FRMPD4: variants seen among roughly 807,000 people sequenced by gnomAD.
FRMPD4 encodes the protein FERM and PDZ domain containing 4.
In FRMPD4, 22 loss-of-function variants were observed where a neutral mutation model predicts 94.1. The observed-to-expected ratio is 0.23, with a 90% CI of 0.17 to 0.33. The LOEUF (loss-of-function observed/expected upper bound fraction) is 0.33. Ranked by LOEUF, FRMPD4 falls within the 10% of genes least tolerant of loss-of-function variation. The pLI, the probability that FRMPD4 is intolerant of heterozygous loss-of-function variation, is 1.00. For synonymous variants in FRMPD4, 631 were observed against 548.6 expected (o/e 1.15, Z -2.10); for missense variants, 1,111 against 1,339.9 (o/e 0.83, Z 2.67).
chrX:12,030,001 A>G (rs1039337516), intron 3 of FRMPD4, among the ~76,000 whole-genome samples: 1 of 111,791 alleles, frequency 8.9e-6, no homozygotes, highest in African/African-American at 3.3e-5. Context: ...CACATTTATC[A>G]TCTGTCAAAT....
chrX:12,428,211 CCA>C (rs2056973519), intron 1 of FRMPD4, among the ~76,000 whole-genome samples: 1 of 111,307 alleles, frequency 9.0e-6, no homozygotes. Flanking sequence ...TAAAAAAAAT[CCA>C]CAGTGTTTTA....
intron 3 of FRMPD4, among the ~76,000 whole-genome samples, chrX:12,097,807 T>A (rs2055219707): frequency 8.9e-6 from 1 of 112,697 alleles, no homozygotes; most frequent in Non-Finnish European, 1.9e-5. Flanking sequence ...TACAACTTTT[T>A]AAATCTATTC....
intron 4 of FRMPD4, among the ~76,000 whole-genome samples, chrX:12,661,468 G>A (rs377339608): frequency 5.4e-5 from 6 of 111,739 alleles, no homozygotes; most frequent in African/African-American, 2.0e-4. Context: ...TACTGGGCAA[G>A]TGGACTCTTT....
intron 1 of FRMPD4, among the ~76,000 whole-genome samples, chrX:12,349,199 T>TG (rs962468246): frequency 9.0e-6 from 1 of 111,217 alleles, no homozygotes; most frequent in African/African-American, 3.3e-5. Context: ...AGGGGAGCAG[T>TG]GGGTGGCAGT....
At chrX:12,050,904 A>G (rs995753588) in intron 3 of FRMPD4, among the ~76,000 whole-genome samples, 1 of 111,767 alleles carries the variant, frequency 8.9e-6, no homozygotes, top group African/African-American at 3.2e-5. Flanking sequence ...ACCAAATATT[A>G]CAAACGACCT....
At chrX:12,249,656 C>T (rs929713774) in intron 1 of FRMPD4, among the ~76,000 whole-genome samples, 3 of 111,408 alleles carry the variant, frequency 2.7e-5, no homozygotes, top group Non-Finnish European at 5.6e-5. Flanking sequence ...CTAAGAAAAG[C>T]GGGATGCCTT....
chrX:12,063,929 T>C (rs2054902370), intron 3 of FRMPD4, among the ~76,000 whole-genome samples: 1 of 112,823 alleles, frequency 8.9e-6, no homozygotes. Context: ...GAAAAACAAA[T>C]GGATTCACTT....
At chrX:12,412,227 C>T (rs1283764885) in intron 1 of FRMPD4, among the ~76,000 whole-genome samples, 3 of 112,246 alleles carry the variant, frequency 2.7e-5, no homozygotes, top group African/African-American at 9.7e-5. Context: ...ATTCCTTGAG[C>T]AGATCTGTCT....
chrX:12,620,645 T>C (rs1380351661), intron 4 of FRMPD4, among the ~76,000 whole-genome samples: 2 of 112,265 alleles, frequency 1.8e-5, no homozygotes, highest in African/African-American at 6.5e-5. Context: ...GAAATAGGCC[T>C]ACCCCCCATT....
At chrX:12,112,630 C>A (rs1249475095) in intron 3 of FRMPD4, among the ~76,000 whole-genome samples, 1 of 111,380 alleles carries the variant, frequency 9.0e-6, no homozygotes. Context: ...GTATTATTTT[C>A]ATTTTATAAT....
intron 1 of FRMPD4, among the ~76,000 whole-genome samples, chrX:12,402,965 T>C (rs921149820): frequency 2.7e-5 from 3 of 112,319 alleles, no homozygotes; most frequent in Non-Finnish European, 5.6e-5. Flanking sequence ...AATTACCCAG[T>C]CACAGATATT....
At chrX:11,976,017 T>G (rs924408210) in intron 3 of FRMPD4, among the ~76,000 whole-genome samples, 3 of 112,005 alleles carry the variant, frequency 2.7e-5, no homozygotes, top group Non-Finnish European at 5.6e-5. Flanking sequence ...AAACAGAGAT[T>G]CTTTTACACT....
chrX:12,695,244 A>C (rs1463673173), intron 9 of FRMPD4, among the ~76,000 whole-genome samples: 1 of 111,889 alleles, frequency 8.9e-6, no homozygotes, highest in Non-Finnish European at 1.9e-5. Context: ...TCAGTGTAAC[A>C]CATCAAGAGG....
rs150447603 is a variant in FRMPD4, at chrX:12,593,061, T to C, written c.159-16660T>C. ...TCAAGACTGGCATCCTTGATTTTGCTTCCTTCTCCTCCTGTGTTGGATCCA... is the reference window on the plus strand; with the variant it reads ...TCAAGACTGGCATCCTTGATTTTGCCTCCTTCTCCTCCTGTGTTGGATCCA... On this transcript the variant is annotated intron_variant, in intron 2 of 16. Transcript: ENST00000675598. Among the ~76,000 whole-genome samples the C allele has an allele frequency of 2.8e-3, 318 of 111,970 alleles. 2 individuals carry two copies. Among genetic ancestry groups the C allele is most frequent in the African/African-American group, 9.4e-3 (288 of 30,801 alleles).
chrX:12,278,170 A>C (rs939897013), intron 1 of FRMPD4, among the ~76,000 whole-genome samples: 1 of 112,244 alleles, frequency 8.9e-6, no homozygotes, highest in African/African-American at 3.2e-5. Context: ...CCAGAAGTTC[A>C]TACCTTTTCT....
At chrX:12,335,532 T>G (rs982597928) in intron 1 of FRMPD4, among the ~76,000 whole-genome samples, 14 of 111,707 alleles carry the variant, frequency 1.3e-4, no homozygotes, top group African/African-American at 4.6e-4. Flanking sequence ...ACACAAGGAA[T>G]GTATTATAAG....
chrX:12,475,036 T>C (rs1458262833), intron 1 of FRMPD4, among the ~76,000 whole-genome samples: 2 of 111,806 alleles, frequency 1.8e-5, no homozygotes, highest in African/African-American at 6.5e-5. Flanking sequence ...CCAATATCCC[T>C]GATGAACATT....
intron 4 of FRMPD4, among the ~76,000 whole-genome samples, chrX:12,650,607 ATAGT>A (rs761526010): frequency 8.9e-6 from 1 of 112,202 alleles, no homozygotes; most frequent in Admixed American, 9.5e-5. Context: ...GGAAATCATC[ATAGT>A]ATTTGGAGAA....
chrX:12,117,068 C>T (rs2055415346), intron 3 of FRMPD4, among the ~76,000 whole-genome samples: 1 of 111,649 alleles, frequency 9.0e-6, no homozygotes, highest in East Asian at 2.8e-4. Context: ...CTTAATGCTA[C>T]GTTACCATCG....
Sources: gnomAD v4.1 joint callset for allele counts (sites outside exome capture counted in the v4.1 genomes callset) on GRCh38, gnomAD v4.1.1 for gene constraint, MANE v1.5 for transcripts, NCBI Gene and HGNC (gene_info 2026-07-23, HGNC 2026-07-21) for gene names.